Variants in CEP112 observed in about 807,000 individuals in gnomAD.
CEP112 encodes centrosomal protein 112, also known as centrosomal protein of 112 kDa.
CEP112 carries 127 observed loss-of-function variants against 153.0 expected under a neutral mutation model. That is an observed-to-expected ratio of 0.83 (90% CI 0.72 to 0.96). The LOEUF is 0.96. CEP112 is among the 40% of genes least tolerant of loss of function. The probability of loss-of-function intolerance (pLI) is 0.00; values close to 1 mark genes in which losing one functional copy is unlikely to be tolerated. For missense variants in CEP112, 1,089 were observed against 1,101.2 expected (o/e 0.99, Z 0.16); for synonymous variants, 358 against 374.4 (o/e 0.96, Z 0.51).
At chr17:65,646,144 A>C (rs942008456) in intron 24 of CEP112, among the ~76,000 whole-genome samples, 9 of 152,210 alleles carry the variant, frequency 5.9e-5, no homozygotes, top group African/African-American at 2.2e-4. Flanking sequence ...AGAGAGTAGA[A>C]GATTGGGTGT....
intron 4 of CEP112, among the ~76,000 whole-genome samples, chr17:66,173,018 T>C (rs1341868338): frequency 1.3e-5 from 2 of 152,176 alleles, no homozygotes; most frequent in African/African-American, 4.8e-5. Flanking sequence ...TCCCACCTCT[T>C]GAATAGCTAG....
intron 21 of CEP112, among the ~76,000 whole-genome samples, chr17:65,824,295 A>G (rs1015398386): frequency 3.3e-5 from 5 of 152,250 alleles, no homozygotes; most frequent in African/African-American, 1.2e-4. Flanking sequence ...GCAAAGGGAA[A>G]GAAGCCAGAC....
At chr17:66,000,715 G>A (rs1409132460) in intron 17 of CEP112, among the ~76,000 whole-genome samples, 1 of 152,170 alleles carries the variant, frequency 6.6e-6, no homozygotes, top group Non-Finnish European at 1.5e-5. Context: ...TTGGGAAGAG[G>A]AGGGAGGAGG....
chr17:65,971,653 G>A (rs984253307), intron 17 of CEP112, among the ~76,000 whole-genome samples: 2 of 122,876 alleles, frequency 1.6e-5, no homozygotes, highest in Admixed American at 1.0e-4. Flanking sequence ...TTGCATGCAT[G>A]TCACATGCAT....
In CEP112 at chr17:66,096,321, G is replaced by A. The variant is rs1416013195; in HGVS notation, c.698C>T (p.Pro233Leu). Reference sequence around the variant, plus strand: ...GCTGGATTTTCTCAGGCTGAATTTCGGTGTCATCTGCTAAATGAACAGGAG... The same window carrying A: ...GCTGGATTTTCTCAGGCTGAATTTCAGTGTCATCTGCTAAATGAACAGGAG... ...QKPIPVSLMT[P>L]KFSLRKSSSF... Residue 233 changes from proline to leucine, a missense_variant, in exon 8 of 27, where the codon CCG becomes CTG. By Grantham distance (98) the Pro-to-Leu change is moderately conservative (BLOSUM62 -3). Transcript: ENST00000535342. 1.6e-5 allele frequency: 26 copies of A among 1,612,464 alleles called. No individual in the cohort carries two copies. The highest frequency in any genetic ancestry group is 5.0e-5 in the Admixed American group (3 of 59,892).
intron 21 of CEP112, among the ~76,000 whole-genome samples, chr17:65,850,424 G>A (rs2057889125): frequency 2.0e-5 from 3 of 152,148 alleles, no homozygotes; most frequent in Admixed American, 6.5e-5. Context: ...CATATTCCAC[G>A]AACCAACAGT....
At chr17:65,938,535 T>G (rs529988043) in intron 18 of CEP112, among the ~76,000 whole-genome samples, 2 of 152,258 alleles carry the variant, frequency 1.3e-5, no homozygotes, top group African/African-American at 4.8e-5. Flanking sequence ...CTTCTAAGAT[T>G]TGGAATTAGA....
intron 20 of CEP112, among the ~76,000 whole-genome samples, chr17:65,896,906 A>G (rs2059678393): frequency 6.6e-6 from 1 of 152,102 alleles, no homozygotes; most frequent in African/African-American, 2.4e-5. Context: ...AAAGTATCTT[A>G]TTTTCTTTTT....
intron 19 of CEP112, among the ~76,000 whole-genome samples, chr17:65,905,156 G>T (rs1211008682): frequency 6.6e-6 from 1 of 152,110 alleles, no homozygotes; most frequent in East Asian, 1.9e-4. Flanking sequence ...TATCATCAGA[G>T]TGAACAGACA....
Position 65,916,327 on chromosome 17 carries a change from A to G in CEP112, c.1980+11255T>C, listed in dbSNP as rs914389020. 1.5e-4 allele frequency among the ~76,000 whole-genome samples: 22 copies of G among 144,940 alleles called. No individual in the cohort carries two copies. The Admixed American group carries it at 1.6e-3, about 10-fold the overall frequency. On this transcript the variant is annotated intron_variant, in intron 19 of 26. Coordinates refer to ENST00000535342, the MANE Select transcript of CEP112 (RefSeq NM_001199165.4). ...AGGAGTAGTGGTGGTGGGTAGTGGTAGTGTTTTTCTCTTCCATCACAAGGG... is the reference window on the plus strand; with the variant it reads ...AGGAGTAGTGGTGGTGGGTAGTGGTGGTGTTTTTCTCTTCCATCACAAGGG...
rs868340938 is a variant in CEP112 at position 66,103,186 on chromosome 17, T to C, written c.643-6554A>G. ...GTTGCAGTGGGCCGAGATAGTGCCA[T>C]TGCACTGAGTGAATAAGAGCGAAAT... On this transcript the variant is annotated intron_variant, in intron 6 of 26. Transcript: ENST00000535342. Among the ~76,000 whole-genome samples the C allele has an allele frequency of 8.6e-5, 13 of 151,962 alleles. 1 individual carries two copies. In the Middle Eastern group the frequency reaches 0.01, roughly 119 times the overall value.
intron 12 of CEP112, among the ~76,000 whole-genome samples, chr17:66,031,430 T>C (rs1447786215): frequency 6.6e-6 from 1 of 151,758 alleles, no homozygotes; most frequent in Admixed American, 6.6e-5. Flanking sequence ...TTGCAGCAGA[T>C]CACAATCCCA....
chr17:65,757,241 C>A (rs1306761954), intron 21 of CEP112, among the ~76,000 whole-genome samples: 1 of 152,086 alleles, frequency 6.6e-6, no homozygotes, highest in African/African-American at 2.4e-5. Context: ...GTTATGGCAG[C>A]CCAAGCCAGC....
At chr17:65,926,737 T>G (rs1223279816) in intron 19 of CEP112, among the ~76,000 whole-genome samples, 1 of 151,824 alleles carries the variant, frequency 6.6e-6, no homozygotes, top group African/African-American at 2.4e-5. Context: ...ATAATAATAA[T>G]AACTCACTCT....
chr17:65,780,355 A>C (rs1327125198), intron 21 of CEP112, among the ~76,000 whole-genome samples: 1 of 152,108 alleles, frequency 6.6e-6, no homozygotes, highest in Non-Finnish European at 1.5e-5. Flanking sequence ...ACCCTCAGAG[A>C]AGCTCTCTGA....
chr17:65,950,699 C>CTATTATTATTATTATTATTATTAT lies in CEP112; in HGVS notation c.1872+10763_1872+10764insATAATAATAATAATAATAATAATA, dbSNP rs57598697. Among the ~76,000 whole-genome samples the CTATTATTATTATTATTATTATTAT allele has an allele frequency of 1.4e-3, 202 of 147,180 alleles. 2 individuals are homozygous for CTATTATTATTATTATTATTATTAT. Among genetic ancestry groups the CTATTATTATTATTATTATTATTAT allele is most frequent in the South Asian group, 0.011 (49 of 4,460 alleles). On this transcript the variant is annotated intron_variant, in intron 18 of 26. Coordinates refer to ENST00000535342, the MANE Select transcript of CEP112 (RefSeq NM_001199165.4). ...CTTTCTTTCCATTCTGGATACATTA[C>CTATTATTATTATTATTATTATTAT]TAGTAGTAGTAGTAGTAGTAGTAGT...
At chr17:65,881,025 G>A (rs765155359) in intron 20 of CEP112, among the ~76,000 whole-genome samples, 1 of 152,140 alleles carries the variant, frequency 6.6e-6, no homozygotes, top group Non-Finnish European at 1.5e-5. Context: ...GACCATCCTG[G>A]CTGACGCAGT....
At chr17:66,033,329 C>T (rs1371485021) in intron 12 of CEP112, among the ~76,000 whole-genome samples, 2 of 152,140 alleles carry the variant, frequency 1.3e-5, no homozygotes, top group Non-Finnish European at 1.5e-5. Flanking sequence ...AATGCCAAGA[C>T]ATAAGTAAAA....
intron 17 of CEP112, among the ~76,000 whole-genome samples, chr17:65,981,122 T>A (rs1268969206): frequency 6.6e-6 from 1 of 152,102 alleles, no homozygotes; most frequent in African/African-American, 2.4e-5. Context: ...GGCCATCTTC[T>A]TAGGTTTCTT....
Sources: allele counts gnomAD v4.1 joint callset (sites outside exome capture counted in the v4.1 genomes callset), GRCh38; gene constraint gnomAD v4.1.1; transcripts MANE v1.5; gene names NCBI Gene and HGNC (gene_info 2026-07-23, HGNC 2026-07-21).